The following OR56A3 variants were observed in gnomAD, a reference collection of about 807,000 sequenced individuals.
OR56A3 encodes the protein olfactory receptor family 56 subfamily A member 3, also known as olfactory receptor 56A3.
A neutral mutation model predicts 17.5 loss-of-function variants in OR56A3; 23 were observed. The observed-to-expected ratio is 1.32, with a 90% confidence interval of 0.95 to 1.87. The LOEUF (loss-of-function observed/expected upper bound fraction) is 1.87. Ranked by LOEUF, OR56A3 falls within the 40% of genes most tolerant of loss-of-function variation. OR56A3 has a pLI of 0.00. For missense variants in OR56A3, 366 were observed against 380.1 expected, an observed-to-expected ratio of 0.96 and a Z score of 0.31; for synonymous variants, 175 against 150.6, an observed-to-expected ratio of 1.16 and a Z score of -1.19.
the OR56A3 span, among the ~76,000 whole-genome samples, chr11:5,973,232 C>A: frequency 7.9e-5 from 12 of 151,952 alleles, no homozygotes; most frequent in East Asian, 2.3e-3. Flanking sequence ...GATTATGGTC[C>A]CTGCTCTCAT....
the OR56A3 span, among the ~76,000 whole-genome samples, chr11:5,961,764 A>G: frequency 6.6e-6 from 1 of 151,926 alleles, no homozygotes; most frequent in African/African-American, 2.4e-5. Flanking sequence ...AAAAAAAAAA[A>G]AAAAAAGAAA....
the OR56A3 span, among the ~76,000 whole-genome samples, chr11:5,980,718 G>A: frequency 3.4e-4 from 51 of 152,040 alleles, no homozygotes; most frequent in African/African-American, 1.0e-3. Context: ...TGATCCTATC[G>A]TGTTTTTAGT....
the OR56A3 span, chr11:5,985,796 G>T: frequency 1.4e-6 from 1 of 708,108 alleles, no homozygotes; most frequent in South Asian, 2.3e-5. Flanking sequence ...AGTATCTGTG[G>T]GTGTTCTTTA....
the OR56A3 span, among the ~76,000 whole-genome samples, chr11:5,963,542 G>A: frequency 5.3e-5 from 8 of 151,906 alleles, no homozygotes; most frequent in African/African-American, 1.9e-4. Flanking sequence ...TGGCCTGTAA[G>A]GTTTTTGCTG....
At chr11:5,953,424 A>G (rs1162750796), downstream of OR56A3, among the ~76,000 whole-genome samples, 2 of 152,098 alleles carry the variant, frequency 1.3e-5, no homozygotes, top group East Asian at 3.9e-4. Flanking sequence ...ATTTTTTCAT[A>G]CTTTGCTGGA....
the OR56A3 span, among the ~76,000 whole-genome samples, chr11:5,992,846 C>A: frequency 6.6e-6 from 1 of 152,120 alleles, no homozygotes; most frequent in East Asian, 1.9e-4. Context: ...CCCACTCCAC[C>A]TAGTAGCCAC....
chr11:5,980,194 C>A, the OR56A3 span, among the ~76,000 whole-genome samples: 3,089 of 152,056 alleles, frequency 0.02, 94 homozygotes, highest in African/African-American at 0.068. Context: ...GTAGATGTCT[C>A]TTAGGTCCAT....
At chr11:5,981,292 G>A in the OR56A3 span, among the ~76,000 whole-genome samples, 1 of 152,042 alleles carries the variant, frequency 6.6e-6, no homozygotes, top group Non-Finnish European at 1.5e-5. Context: ...TCTCTTCCAG[G>A]GATGTCAATC....
At chr11:5,962,907 T>C in the OR56A3 span, among the ~76,000 whole-genome samples, 1 of 152,214 alleles carries the variant, frequency 6.6e-6, no homozygotes, top group African/African-American at 2.4e-5. Flanking sequence ...ACATTTTCTA[T>C]TTCTTCATAG....
the OR56A3 span, among the ~76,000 whole-genome samples, chr11:6,017,831 A>G: frequency 6.6e-6 from 1 of 152,202 alleles, no homozygotes; most frequent in East Asian, 1.9e-4. Flanking sequence ...CACTTCACCT[A>G]TACAATAAAT....
At chr11:5,953,515 C>T (rs1847918724), downstream of OR56A3, among the ~76,000 whole-genome samples, 1 of 152,100 alleles carries the variant, frequency 6.6e-6, no homozygotes, top group South Asian at 2.1e-4. Flanking sequence ...TAAATTATTA[C>T]TCTAGCATTC....
the OR56A3 span, chr11:5,968,608 A>G: frequency 1.2e-6 from 1 of 827,402 alleles, no homozygotes. Flanking sequence ...CTAATTTATA[A>G]AATGTATGAG....
intron 1 of OR56A3, among the ~76,000 whole-genome samples, chr11:5,943,780 G>A (rs931267718): frequency 2.6e-5 from 4 of 152,158 alleles, no homozygotes; most frequent in African/African-American, 9.7e-5. Flanking sequence ...CCAAGAGGCT[G>A]TGATTTTTAA....
chr11:5,982,175 G>A, the OR56A3 span, among the ~76,000 whole-genome samples: 1 of 152,188 alleles, frequency 6.6e-6, no homozygotes, highest in South Asian at 2.1e-4. Context: ...TGTGCTGGCA[G>A]TGGCAGAGTG....
intron 2 of OR56A3, 33 bp downstream of exon 2, chr11:5,945,115 G>A (rs117966468): frequency 1.3e-5 from 2 of 152,218 alleles, no homozygotes; most frequent in South Asian, 4.1e-4. Context: ...ATATCATACA[G>A]TTTGGAGTTC....
At chr11:5,963,665 C>T in the OR56A3 span, among the ~76,000 whole-genome samples, 1 of 152,040 alleles carries the variant, frequency 6.6e-6, no homozygotes, top group East Asian at 1.9e-4. Context: ...TATAATATGT[C>T]TTGGAGTAGT....
chr11:5,980,534 G>T, the OR56A3 span, among the ~76,000 whole-genome samples: 1 of 152,128 alleles, frequency 6.6e-6, no homozygotes, highest in East Asian at 1.9e-4. Flanking sequence ...TTGCTTGATA[G>T]ATTTTTCTCC....
chr11:5,986,019 C>T, the OR56A3 span: 49 of 1,613,106 alleles, frequency 3.0e-5, 1 homozygote, highest in South Asian at 1.8e-4. Context: ...GAGGATTGAG[C>T]GCAGGTGGCA....
chr11:5,978,451 T>C, the OR56A3 span, among the ~76,000 whole-genome samples: 2 of 152,134 alleles, frequency 1.3e-5, no homozygotes, highest in African/African-American at 4.8e-5. Flanking sequence ...TTCTAGGTTT[T>C]TTATTTTTTT....
Sources: allele counts gnomAD v4.1 joint callset (sites outside exome capture counted in the v4.1 genomes callset), GRCh38; gene constraint gnomAD v4.1.1; transcripts MANE v1.5; gene names NCBI Gene and HGNC (gene_info 2026-07-23, HGNC 2026-07-21).